The following CDH13 variants were observed in gnomAD, a reference collection of about 807,000 sequenced individuals.
The protein encoded by CDH13 is cadherin 13.
In CDH13, 24 loss-of-function variants were observed where a neutral mutation model predicts 63.8. That is an observed-to-expected ratio of 0.38 (90% CI 0.27 to 0.53). The LOEUF (loss-of-function observed/expected upper bound fraction) is 0.53, where lower values mean the gene tolerates loss of function less well. CDH13 is among the 20% of genes least tolerant of loss of function. The pLI is 0.85. For missense variants in CDH13, 1,049 were observed against 903.1 expected (o/e 1.16, Z -2.07); for synonymous variants, 503 against 355.3 (o/e 1.42, Z -4.67).
In CDH13 at chr16:83,302,738, G is replaced by A. The variant is rs536331026; in HGVS notation, c.637-42124G>A. ...ATAAATGCCAGAAGAGGAAAAAGTGGGAGACGCCAAGGAGGCAAGGAGGGA... is the reference window on the plus strand; with the variant it reads ...ATAAATGCCAGAAGAGGAAAAAGTGAGAGACGCCAAGGAGGCAAGGAGGGA... On this transcript the variant is annotated intron_variant, in intron 5 of 13. Coordinates refer to ENST00000567109, the MANE Select transcript of CDH13 (RefSeq NM_001257.5). Among the ~76,000 whole-genome samples, 434 of 152,278 alleles carry A rather than the reference G, an allele frequency of 2.9e-3. 5 individuals are homozygous for A. Among genetic ancestry groups the A allele is most frequent in the Non-Finnish European group, 3.7e-3 (254 of 68,022 alleles).
At chr16:82,989,377 T>G (rs1428693174) in intron 2 of CDH13, among the ~76,000 whole-genome samples, 3 of 152,128 alleles carry the variant, frequency 2.0e-5, no homozygotes, top group African/African-American at 7.2e-5. Context: ...ACTGTGGAGG[T>G]GCTGTTCTGC....
At chr16:83,541,413 A>G (rs1473167532) in intron 7 of CDH13, among the ~76,000 whole-genome samples, 1 of 152,174 alleles carries the variant, frequency 6.6e-6, no homozygotes, top group Admixed American at 6.5e-5. Context: ...TTGCCTGACC[A>G]ACCTTACTCA....
chr16:82,916,617 T>C (rs9941327), intron 2 of CDH13, among the ~76,000 whole-genome samples: 44,589 of 151,846 alleles, frequency 0.29, 7,072 homozygotes, highest in Non-Finnish European at 0.37. Flanking sequence ...AAGGAAGACC[T>C]TGATAAATGC....
At chr16:83,385,242 C>G (rs539504440) in intron 6 of CDH13, among the ~76,000 whole-genome samples, 102 of 152,266 alleles carry the variant, frequency 6.7e-4, no homozygotes, top group African/African-American at 2.3e-3. Flanking sequence ...TTAAATAGTA[C>G]CAGTTTTTGT....
Position 82,653,123 on chromosome 16 carries a change from T to C in CDH13, c.45+25986T>C, listed in dbSNP as rs1028253900. Among the ~76,000 whole-genome samples, 3 of 152,196 alleles carry C rather than the reference T, an allele frequency of 2.0e-5. No individual in the cohort carries two copies. In the South Asian group the frequency reaches 6.2e-4, roughly 32 times the overall value. On this transcript the variant is annotated intron_variant, in intron 1 of 13. Coordinates refer to ENST00000567109, the MANE Select transcript of CDH13 (RefSeq NM_001257.5). ...GTACAACCACTTTGGAAACCCATTT[T>C]GTTAATTTACCTTTGATAGATACTT... is the stretch of plus-strand genomic sequence containing the variant.
At chr16:82,843,933 C>T (rs184333396) in intron 1 of CDH13, among the ~76,000 whole-genome samples, 1 of 152,270 alleles carries the variant, frequency 6.6e-6, no homozygotes, top group African/African-American at 2.4e-5. Context: ...TAAATATTGC[C>T]AGGAATGTGG....
chr16:82,684,599 T>A (rs1914876862), intron 1 of CDH13, among the ~76,000 whole-genome samples: 1 of 152,102 alleles, frequency 6.6e-6, no homozygotes, highest in Non-Finnish European at 1.5e-5. Context: ...GTATGAGGAC[T>A]GTTTCCAAAA....
At chr16:82,673,513 C>A (rs904682504) in intron 1 of CDH13, among the ~76,000 whole-genome samples, 9 of 152,302 alleles carry the variant, frequency 5.9e-5, no homozygotes, top group Admixed American at 5.9e-4. Flanking sequence ...GGACACAACC[C>A]CAGCCCTGGT....
chr16:83,493,433 G>A (rs753723708), intron 7 of CDH13, among the ~76,000 whole-genome samples: 1 of 152,196 alleles, frequency 6.6e-6, no homozygotes, highest in East Asian at 1.9e-4. Context: ...ATATCAGGAC[G>A]CAAAGATTGA....
At chr16:83,079,190 T>C (rs553093774) in intron 3 of CDH13, among the ~76,000 whole-genome samples, 1 of 152,302 alleles carries the variant, frequency 6.6e-6, no homozygotes, top group South Asian at 2.1e-4. Context: ...TACAGGAGAA[T>C]TGGTCAAACA....
chr16:83,380,213 A>G (rs940174431), intron 6 of CDH13, among the ~76,000 whole-genome samples: 1 of 152,102 alleles, frequency 6.6e-6, no homozygotes, highest in East Asian at 1.9e-4. Context: ...GTAATATTTT[A>G]TTTCTTTTAA....
chr16:83,472,174 T>C (rs534186420), intron 6 of CDH13, among the ~76,000 whole-genome samples: 1 of 152,308 alleles, frequency 6.6e-6, no homozygotes, highest in African/African-American at 2.4e-5. Flanking sequence ...TTAGTACCGT[T>C]ATACCTCAGG....
intron 5 of CDH13, among the ~76,000 whole-genome samples, chr16:83,339,357 CAAT>C (rs2090672076): frequency 6.6e-6 from 1 of 152,042 alleles, no homozygotes; most frequent in Non-Finnish European, 1.5e-5. Flanking sequence ...CCAATGATGT[CAAT>C]AATATTTTAA....
intron 3 of CDH13, among the ~76,000 whole-genome samples, chr16:83,089,589 A>G (rs1472543049): frequency 1.3e-5 from 2 of 152,146 alleles, no homozygotes; most frequent in Non-Finnish European, 2.9e-5. Context: ...CCTGCTCTGG[A>G]GGTGGGGAAT....
At chr16:82,741,181 G>C (rs763240483) in intron 1 of CDH13, among the ~76,000 whole-genome samples, 7 of 152,108 alleles carry the variant, frequency 4.6e-5, no homozygotes, top group South Asian at 2.1e-4. Context: ...GTGAATCCCT[G>C]TTGCCATTGA....
intron 7 of CDH13, among the ~76,000 whole-genome samples, chr16:83,572,896 T>A (rs1904774233): frequency 6.6e-6 from 1 of 152,238 alleles, no homozygotes; most frequent in African/African-American, 2.4e-5. Context: ...CCTAGTAGTA[T>A]GACCAATGAG....
intron 2 of CDH13, among the ~76,000 whole-genome samples, chr16:82,968,081 TC>T (rs1908124568): frequency 1.3e-5 from 2 of 152,226 alleles, no homozygotes; most frequent in African/African-American, 2.4e-5. Flanking sequence ...AAGGAAAAGC[TC>T]CCCCCAACTT....
chr16:82,719,487 G>A (rs2032618761), intron 1 of CDH13: 1 of 454,964 alleles, frequency 2.2e-6, no homozygotes, highest in Non-Finnish European at 4.4e-6. Flanking sequence ...TAAGTTACAT[G>A]AGATGTGAAG....
In CDH13 at chr16:83,339,594, C is replaced by T. The variant is rs189612717; in HGVS notation, c.637-5268C>T. ...AGGATACGGAGAGGTGCATGCTCTG[C>T]TCAGGGCCCGGATCTGGTGTGTCAG... is the stretch of plus-strand genomic sequence containing the variant. On this transcript the variant is annotated intron_variant, in intron 5 of 13. Coordinates refer to ENST00000567109, the MANE Select transcript of CDH13 (RefSeq NM_001257.5). Among the ~76,000 whole-genome samples, 537 of 152,214 alleles carry T rather than the reference C, an allele frequency of 3.5e-3. 4 individuals are homozygous for T. The highest frequency in any genetic ancestry group is 0.016 in the South Asian group (77 of 4,816).
Sources: allele counts gnomAD v4.1 joint callset (sites outside exome capture counted in the v4.1 genomes callset), GRCh38; gene constraint gnomAD v4.1.1; transcripts MANE v1.5; gene names NCBI Gene and HGNC (gene_info 2026-07-23, HGNC 2026-07-21).